SLC26A3: variants seen among roughly 807,000 people sequenced by gnomAD.
SLC26A3 encodes chloride anion exchanger.
SLC26A3 carries 64 observed loss-of-function variants against 85.6 expected under a neutral mutation model. The ratio of observed to expected loss-of-function variants is 0.75; its 90% confidence interval spans 0.61 to 0.92. The LOEUF (loss-of-function observed/expected upper bound fraction) is 0.92, where lower values mean the gene tolerates loss of function less well. Ranked by LOEUF, SLC26A3 falls within the 40% of genes least tolerant of loss-of-function variation. The pLI is 0.00. For synonymous variants in SLC26A3, 349 were observed against 336.0 expected, an observed-to-expected ratio of 1.04 and a Z score of -0.42; for missense variants, 922 against 927.3, an observed-to-expected ratio of 0.99 and a Z score of 0.07.
chr7:107,776,036 A>G (rs1794109696), intron 15 of SLC26A3: 1 of 267,792 alleles, frequency 3.7e-6, no homozygotes, highest in African/African-American at 2.2e-5. Context: ...ATGTATTGTT[A>G]TTCAGTATTA....
At chr7:107,767,527 T>C (rs555794793) in intron 20 of SLC26A3, 52 bp downstream of exon 20, 1 of 1,326,160 alleles carries the variant, frequency 7.5e-7, no homozygotes, top group Non-Finnish European at 1.1e-6. Flanking sequence ...ACTTTGAAGG[T>C]TTTTTTTTGC....
chr7:107,793,324 C>T (rs1409796076), intron 3 of SLC26A3, among the ~76,000 whole-genome samples: 1 of 152,170 alleles, frequency 6.6e-6, no homozygotes. Flanking sequence ...ATAATAGCCC[C>T]CAAGTGGAAA....
intron 1 of SLC26A3, among the ~76,000 whole-genome samples, chr7:107,796,491 C>T (rs2115895899): frequency 6.6e-6 from 1 of 152,256 alleles, no homozygotes; most frequent in South Asian, 2.1e-4. Context: ...TTTCCATTCC[C>T]TCTTCCATCT....
In SLC26A3 at chr7:107,786,831, G is replaced by C. The variant is rs1472129810; in HGVS notation, c.967C>G (p.Pro323Ala). The part of the protein sequence containing the change: ...FKVAVVGDMN[P>A]GFQPPITPDV... ...CATCATCGAAGACACACTTACCCAGGATTCATGTCCCCAACCACAGCCACT... is the reference window on the plus strand; with the variant it reads ...CATCATCGAAGACACACTTACCCAGCATTCATGTCCCCAACCACAGCCACT... The change falls in exon 8 of 21, where the codon CCT (proline) becomes GCT (alanine). Residue 323 changes from proline to alanine, a missense_variant. Pro to Ala is a conservative substitution (Grantham distance 27, BLOSUM62 -1). Coordinates refer to ENST00000340010, the MANE Select transcript of SLC26A3 (RefSeq NM_000111.3). The C allele has an allele frequency of 2.8e-5, 45 of 1,612,992 alleles. No individual in the cohort carries two copies. Among genetic ancestry groups the C allele is most frequent in the Middle Eastern group, 1.6e-4 (1 of 6,078 alleles).
intron 12 of SLC26A3, 79 bp from the exon 13 acceptor site, chr7:107,778,360 C>CTTTTTTT (rs10681903): frequency 0.017 from 7,729 of 459,130 alleles, 30 homozygotes; most frequent in East Asian, 0.026. Context: ...TTTAAAAAGA[C>CTTTTTTT]TTTTTTTTTT....
chr7:107,786,944 G>C, intron 7 of SLC26A3, 35 bp from the exon 8 acceptor site: 4 of 1,544,868 alleles, frequency 2.6e-6, no homozygotes, highest in Non-Finnish European at 3.6e-6. Context: ...TTAGAAATGT[G>C]AGATGCAAGT....
rs532292348 is a variant in SLC26A3 at position 107,791,698 on chromosome 7, G to T, written c.382+132C>A. 6.0e-6 allele frequency: 4 copies of T among 664,808 alleles called. No individual in the cohort carries two copies. The South Asian group carries it at 6.4e-5, about 11-fold the overall frequency. 41.2% of individuals were successfully genotyped at this position (664,808 alleles called of 1,614,324 possible). A position where few individuals can be genotyped will look rare whatever the true frequency, so the allele number is the denominator to read the frequency against. The stretch of plus-strand genomic sequence containing the variant: ...ACCCTGCCCTCCATCTCAAACCCTG[G>T]TCCTAATTCTCACAGGAGACCATGA... On this transcript the variant is annotated intron_variant, in intron 4 of 20. Transcript: ENST00000340010.
At chr7:107,792,425 G>A (rs912076486) in intron 3 of SLC26A3, among the ~76,000 whole-genome samples, 1 of 151,750 alleles carries the variant, frequency 6.6e-6, no homozygotes, top group Admixed American at 6.6e-5. Context: ...GGGGGTGTTG[G>A]GAGACCGTGA....
At chr7:107,777,413 C>A (rs869235399) in intron 13 of SLC26A3, among the ~76,000 whole-genome samples, 1 of 152,020 alleles carries the variant, frequency 6.6e-6, no homozygotes. Context: ...CTGGCCAACA[C>A]GGTGAAACCC....
At chr7:107,780,120 T>C (rs1039080085) in intron 11 of SLC26A3, among the ~76,000 whole-genome samples, 4 of 151,788 alleles carry the variant, frequency 2.6e-5, no homozygotes, top group African/African-American at 9.7e-5. Context: ...GACAGTCTAA[T>C]GTGTGTTTGT....
Position 107,774,806 on chromosome 7 carries a change from G to A in SLC26A3, c.1744C>T (p.Gln582Ter). Residue 582 changes from glutamine to a stop codon, truncating the protein, a stop_gained, in exon 16 of 21, where the codon CAG becomes TAG. Transcript: ENST00000340010. LOFTEE classifies it high-confidence loss of function. ...GTCACTTGTAGCAAGCCTTGCTTCTGCAGTTTTCGGATTTTCCTCAAAGCT... is the reference window on the plus strand; with the variant it reads ...GTCACTTGTAGCAAGCCTTGCTTCTACAGTTTTCGGATTTTCCTCAAAGCT... ...NKALRKIRKL[Q>*]KQGLLQVTPK... 1.2e-6 allele frequency: 2 copies of A among 1,614,046 alleles called. No homozygotes were observed. The highest frequency in any genetic ancestry group is 1.7e-6 in the Non-Finnish European group (2 of 1,179,934).
intron 15 of SLC26A3, chr7:107,776,041 G>T: frequency 3.4e-6 from 1 of 290,272 alleles, no homozygotes; most frequent in South Asian, 3.7e-5. Context: ...TTGTTATTCA[G>T]TATTAACTAT....
intron 10 of SLC26A3, 48 bp from the exon 11 acceptor site, chr7:107,782,922 C>T (rs1794235122): frequency 1.2e-6 from 2 of 1,613,214 alleles, no homozygotes; most frequent in South Asian, 2.2e-5. Context: ...TTTCCCCTGG[C>T]TTGAATTTCC....
chr7:107,782,218 T>C (rs1160602663), intron 11 of SLC26A3, among the ~76,000 whole-genome samples: 3 of 152,202 alleles, frequency 2.0e-5, no homozygotes, highest in African/African-American at 7.2e-5. Context: ...CAGGGTCTGA[T>C]GGTATGTTTT....
intron 8 of SLC26A3, among the ~76,000 whole-genome samples, chr7:107,784,070 A>G (rs1794253097): frequency 6.6e-6 from 1 of 152,222 alleles, no homozygotes; most frequent in Non-Finnish European, 1.5e-5. Flanking sequence ...CACTCCTATA[A>G]GCATATATTT....
At chr7:107,786,315 G>C (rs1481612752) in intron 8 of SLC26A3, among the ~76,000 whole-genome samples, 2 of 151,820 alleles carry the variant, frequency 1.3e-5, no homozygotes, top group African/African-American at 4.8e-5. Context: ...TTTTCTTTAT[G>C]GTATTATTTA....
At position 107,783,108 on chromosome 7, in the gene SLC26A3, A is replaced by C; in HGVS notation, c.1120-15T>G. 1 of 1,613,746 alleles carries C rather than the reference A, an allele frequency of 6.2e-7. No homozygotes were observed. Among genetic ancestry groups the C allele is most frequent in the South Asian group, 1.1e-5 (1 of 91,084 alleles). On this transcript the variant is annotated splice_polypyrimidine_tract_variant and intron_variant, in intron 9 of 20. Coordinates refer to ENST00000340010, the MANE Select transcript of SLC26A3 (RefSeq NM_000111.3). Reference sequence around the variant, plus strand: ...GCTATTAACTCCTGACAGGAAGACAAGAATGAACCTTTTTCAGAAGTGGCA... The same window carrying C: ...GCTATTAACTCCTGACAGGAAGACACGAATGAACCTTTTTCAGAAGTGGCA...
rs1794243261 is a variant in SLC26A3, at chr7:107,783,431, G to C, written c.972-79C>G. 1.4e-5 allele frequency: 21 copies of C among 1,501,036 alleles called. No individual in the cohort carries two copies. In the Admixed American group the frequency reaches 3.3e-4, roughly 24 times the overall value. The allele number at this position is 1,501,036 out of a possible 1,614,324, so 93.0% of individuals were successfully genotyped here. ...ATAACCATTGGGCAAATCAATGAAT[G>C]AATGCAATCTAGGCTGAGTTGTGTC... On this transcript the variant is annotated intron_variant, in intron 8 of 20. Coordinates refer to ENST00000340010, the MANE Select transcript of SLC26A3 (RefSeq NM_000111.3).
chr7:107,767,799 T>G lies in SLC26A3; in HGVS notation c.2172A>C (p.Lys724Asn). 1 of 1,613,886 alleles carries G rather than the reference T, an allele frequency of 6.2e-7. No homozygotes were observed. Residue 724 changes from lysine (K) to asparagine (N), a missense_variant, in exon 19 of 21, where the codon AAA becomes AAC. By Grantham distance (94) the Lys-to-Asn change is moderately conservative. Transcript: ENST00000340010. ...HDAVLHILMK[K>N]DYSTSKFNPS... ...GATTAAACTTTGAAGTACTGTAATCTTTCTTCATCAAAATATGCAAAACAG... is the reference window on the plus strand; with the variant it reads ...GATTAAACTTTGAAGTACTGTAATCGTTCTTCATCAAAATATGCAAAACAG...
Sources: allele counts gnomAD v4.1 joint callset (sites outside exome capture counted in the v4.1 genomes callset), GRCh38; gene constraint gnomAD v4.1.1; transcripts MANE v1.5; gene names NCBI Gene and HGNC (gene_info 2026-07-23, HGNC 2026-07-21).